Variants in TLK1 observed in about 807,000 individuals in gnomAD.
TLK1 encodes the protein tousled like kinase 1, also known as serine/threonine-protein kinase tousled-like 1.
A neutral mutation model predicts 105.3 loss-of-function variants in TLK1; 24 were observed. The observed-to-expected ratio is 0.23, with a 90% CI of 0.17 to 0.32. The LOEUF is 0.32. Ranked by LOEUF, TLK1 falls within the 10% of genes least tolerant of loss-of-function variation. The pLI, the probability that TLK1 is intolerant of heterozygous loss-of-function variation, is 1.00. For missense variants in TLK1, 558 were observed against 910.5 expected (o/e 0.61, Z 4.98); for synonymous variants, 321 against 310.4 (o/e 1.03, Z -0.36).
At chr2:171,042,498 T>C (rs1363051083) in intron 11 of TLK1, among the ~76,000 whole-genome samples, 1 of 152,128 alleles carries the variant, frequency 6.6e-6, no homozygotes, top group Non-Finnish European at 1.5e-5. Flanking sequence ...CTTTCCACCT[T>C]GGCCTTCCAA....
chr2:171,040,497 A>C (rs1686610583), intron 11 of TLK1, among the ~76,000 whole-genome samples: 1 of 152,146 alleles, frequency 6.6e-6, no homozygotes, highest in South Asian at 2.1e-4. Flanking sequence ...TCCTCTAAAA[A>C]ATAAGTTCAT....
intron 11 of TLK1, among the ~76,000 whole-genome samples, chr2:171,032,743 A>G (rs1686103715): frequency 6.6e-6 from 1 of 152,200 alleles, no homozygotes; most frequent in African/African-American, 2.4e-5. Flanking sequence ...ATTTTTGACA[A>G]GAGTACCAAG....
At chr2:171,150,197 C>T (rs1691977060) in intron 1 of TLK1, among the ~76,000 whole-genome samples, 2 of 151,994 alleles carry the variant, frequency 1.3e-5, no homozygotes, top group African/African-American at 4.8e-5. Flanking sequence ...GCTAAGTACA[C>T]GTATCCTTCA....
intron 12 of TLK1, among the ~76,000 whole-genome samples, chr2:171,019,149 C>G (rs997190844): frequency 1.3e-5 from 2 of 152,124 alleles, no homozygotes; most frequent in African/African-American, 4.8e-5. Context: ...ATAACTCCCA[C>G]AGCAACTTCA....
rs148235380 is a variant in TLK1 at position 171,174,386 on chromosome 2, T to C, written c.-5-56529A>G. ...AGCCTCTCCTTGGCTAGAGAACCTT[T>C]GGGGAATCACATTGTTATATGATTG... On this transcript the variant is annotated intron_variant, in intron 1 of 20. Transcript: ENST00000521943. Among the ~76,000 whole-genome samples, 553 of 152,324 alleles carry C rather than the reference T, an allele frequency of 3.6e-3. 6 individuals are homozygous for C. Among genetic ancestry groups the C allele is most frequent in the African/African-American group, 0.012 (511 of 41,572 alleles).
intron 1 of TLK1, among the ~76,000 whole-genome samples, chr2:171,156,173 A>G (rs113583916): frequency 6.6e-6 from 1 of 152,322 alleles, no homozygotes; most frequent in African/African-American, 2.4e-5. Flanking sequence ...CCATATATCT[A>G]CATGAAGCTG....
chr2:171,032,001 T>A (rs1240371587), intron 11 of TLK1, among the ~76,000 whole-genome samples: 1 of 152,064 alleles, frequency 6.6e-6, no homozygotes, highest in African/African-American at 2.4e-5. Context: ...GGCATGAGAA[T>A]CACTTCAACC....
intron 3 of TLK1, among the ~76,000 whole-genome samples, chr2:171,072,098 CA>C (rs1688286270): frequency 6.6e-6 from 1 of 152,130 alleles, no homozygotes; most frequent in Non-Finnish European, 1.5e-5. Flanking sequence ...TGGTTCTATA[CA>C]AATTTTAGAA....
chr2:171,149,837 T>C (rs1049439673), intron 1 of TLK1, among the ~76,000 whole-genome samples: 9 of 151,780 alleles, frequency 5.9e-5, no homozygotes, highest in African/African-American at 2.2e-4. Flanking sequence ...AGCCCAGGAG[T>C]TGGAGGCTGC....
intron 12 of TLK1, among the ~76,000 whole-genome samples, chr2:171,020,035 C>G (rs1470752502): frequency 6.7e-6 from 1 of 150,080 alleles, no homozygotes; most frequent in East Asian, 2.0e-4. Context: ...TCTAGCCAGC[C>G]TGGGTGACAG....
At position 171,118,989 on chromosome 2, in the gene TLK1, A is replaced by G. The variant is rs576742548; in HGVS notation, c.140-1132T>C. Among the ~76,000 whole-genome samples the G allele has an allele frequency of 2.6e-5, 4 of 152,308 alleles. No individual in the cohort carries two copies. In the South Asian group the frequency reaches 8.3e-4, roughly 32 times the overall value. ...TCTGTCTACTTCTTCTAGCTCAAAA[A>G]AAGAGGTAAATCCCTCTAAAAAGCT... On this transcript the variant is annotated intron_variant, in intron 1 of 20. Coordinates refer to ENST00000431350, the MANE Select transcript of TLK1 (RefSeq NM_012290.5).
intron 11 of TLK1, among the ~76,000 whole-genome samples, chr2:171,033,802 G>T (rs554363826): frequency 1.3e-5 from 2 of 149,100 alleles, no homozygotes; most frequent in South Asian, 2.1e-4. Flanking sequence ...GTACATCAAA[G>T]GATATTATCA....
chr2:171,084,787 T>C (rs1197779327), intron 2 of TLK1, among the ~76,000 whole-genome samples: 1 of 151,950 alleles, frequency 6.6e-6, no homozygotes, highest in East Asian at 1.9e-4. Flanking sequence ...ATGAAACAAC[T>C]ATATAAATCA....
At chr2:171,206,386 C>A (rs1391280889) in intron 1 of TLK1, among the ~76,000 whole-genome samples, 7 of 152,122 alleles carry the variant, frequency 4.6e-5, no homozygotes, top group East Asian at 1.9e-4. Context: ...ACAGTAAGAA[C>A]CCTACCAACT....
intron 1 of TLK1, among the ~76,000 whole-genome samples, chr2:171,195,637 T>C (rs1693259294): frequency 6.6e-6 from 1 of 152,174 alleles, no homozygotes; most frequent in Admixed American, 6.5e-5. Flanking sequence ...TACTAAATCA[T>C]CAACACTGTT....
rs544297030 is a variant in TLK1 at position 171,038,410 on chromosome 2, A to G, written c.1169+7764T>C. On this transcript the variant is annotated intron_variant, in intron 11 of 20. Transcript: ENST00000431350. ...TTATTGAAATAGATGATTAGTTTCT[A>G]AAGTTTTAGTTTTTCTTCTTTTCTT... Among the ~76,000 whole-genome samples, 139 of 152,250 alleles carry G rather than the reference A, an allele frequency of 9.1e-4. 4 individuals are homozygous for G. In the South Asian group the frequency reaches 0.028, roughly 31 times the overall value.
intron 3 of TLK1, among the ~76,000 whole-genome samples, chr2:171,066,384 G>T (rs1234087616): frequency 6.6e-6 from 1 of 152,044 alleles, no homozygotes; most frequent in Admixed American, 6.6e-5. Context: ...ATAAAAGATG[G>T]TAGAACACCA....
intron 1 of TLK1, among the ~76,000 whole-genome samples, chr2:171,192,210 T>G (rs1228211383): frequency 2.0e-5 from 3 of 152,106 alleles, no homozygotes; most frequent in Non-Finnish European, 2.9e-5. Context: ...TTGTACTTTT[T>G]GTCAGACGGG....
chr2:171,092,561 C>CT (rs1310595093), intron 2 of TLK1, among the ~76,000 whole-genome samples: 1 of 152,096 alleles, frequency 6.6e-6, no homozygotes, highest in African/African-American at 2.4e-5. Context: ...TTTACTGTGC[C>CT]AATAGATTTA....
Sources: allele counts gnomAD v4.1 joint callset (sites outside exome capture counted in the v4.1 genomes callset), GRCh38; gene constraint gnomAD v4.1.1; transcripts MANE v1.5; gene names NCBI Gene and HGNC (gene_info 2026-07-23, HGNC 2026-07-21).